The following DAB2IP variants were observed in gnomAD, a reference collection of about 807,000 sequenced individuals.
The protein encoded by DAB2IP is disabled homolog 2-interacting protein.
A neutral mutation model predicts 107.2 loss-of-function variants in DAB2IP; 28 were observed. The observed-to-expected ratio is 0.26, with a 90% confidence interval of 0.19 to 0.36. The LOEUF is 0.36. DAB2IP is among the 10% of genes least tolerant of loss of function. The pLI, the probability that DAB2IP is intolerant of heterozygous loss-of-function variation, is 1.00. For missense variants in DAB2IP, 1,400 were observed against 1,644.7 expected (o/e 0.85, Z 2.57); for synonymous variants, 755 against 706.4 (o/e 1.07, Z -1.09).
upstream of DAB2IP, among the ~76,000 whole-genome samples, chr9:121,647,814 C>T (rs1352980118): frequency 6.7e-6 from 1 of 148,824 alleles, no homozygotes; most frequent in Non-Finnish European, 1.5e-5. Flanking sequence ...CATATATACA[C>T]ATATATATAC....
rs1281751356 is a variant in DAB2IP at position 121,698,638 on chromosome 9, G to C, written c.229-687G>C. Among the ~76,000 whole-genome samples, 1 of 152,186 alleles carries C rather than the reference G, an allele frequency of 6.6e-6. No homozygotes were observed. The highest frequency in any genetic ancestry group is 1.5e-5 in the Non-Finnish European group (1 of 68,018). ...TGCTGGGGTACATACAACGGTTCCG[G>C]GGAGGGGCCCCACCCTGACATCAAG... On this transcript the variant is annotated intron_variant, in intron 2 of 15. Coordinates refer to ENST00000408936, the Ensembl canonical transcript of DAB2IP. This position sits in a 1 kb window ranked among gnomAD's most constrained non-coding sequence, Gnocchi z 4.1.
chr9:121,668,256 G>A (rs945848345), intron 1 of DAB2IP, among the ~76,000 whole-genome samples: 11 of 149,200 alleles, frequency 7.4e-5, no homozygotes, highest in South Asian at 2.2e-4. Context: ...GCAGTGGCAC[G>A]ATCTCCACTC....
At chr9:121,576,726 A>C (rs1420750602) in intron 1 of DAB2IP, among the ~76,000 whole-genome samples, 1 of 151,934 alleles carries the variant, frequency 6.6e-6, no homozygotes. Flanking sequence ...CCACACTGAC[A>C]TGGGGACCTG....
chr9:121,748,227 C>G (rs773393964), intron 3 of DAB2IP, among the ~76,000 whole-genome samples: 17 of 152,204 alleles, frequency 1.1e-4, no homozygotes, highest in Non-Finnish European at 2.4e-4. Context: ...GAAACTCGTT[C>G]AGGGTCTGTG....
intron 1 of DAB2IP, among the ~76,000 whole-genome samples, chr9:121,664,716 AC>A (rs1484997797): frequency 6.6e-6 from 1 of 152,202 alleles, no homozygotes; most frequent in Non-Finnish European, 1.5e-5. Flanking sequence ...AAGACACGAG[AC>A]CCCTGGGTCA....
chr9:121,776,175 C>G lies in DAB2IP; in HGVS notation c.3121-23C>G. The G allele has an allele frequency of 6.4e-7, 1 of 1,558,832 alleles. No individual in the cohort carries two copies. The highest frequency in any genetic ancestry group is 1.2e-5 in the South Asian group (1 of 84,424). On this transcript the variant is annotated intron_variant, in intron 13 of 15. Transcript: ENST00000408936. This position sits in a 1 kb window ranked among gnomAD's most constrained non-coding sequence, Gnocchi z 5.4. ...CTCTCTGTGTCCTGGGTGCTGTGCC[C>G]GTGGACGCTGCCCTCCTGGTAGGAC...
chr9:121,667,639 C>T (rs954155759), intron 1 of DAB2IP, among the ~76,000 whole-genome samples: 57 of 151,708 alleles, frequency 3.8e-4, no homozygotes, highest in African/African-American at 4.9e-4. Context: ...TACAGTTGTG[C>T]GTCACCACAC....
At chr9:121,739,545 G>A (rs1442247089) in intron 3 of DAB2IP, among the ~76,000 whole-genome samples, 1 of 152,230 alleles carries the variant, frequency 6.6e-6, no homozygotes. Flanking sequence ...GCTGCCTGGG[G>A]AAGATGGAGA....
chr9:121,782,283 C>G lies in DAB2IP; in HGVS notation c.3403-48C>G, dbSNP rs749494715. 6 of 1,595,220 alleles carry G rather than the reference C, an allele frequency of 3.8e-6. No individual in the cohort carries two copies. The highest frequency in any genetic ancestry group is 5.1e-6 in the Non-Finnish European group (6 of 1,167,520). On this transcript the variant is annotated intron_variant, in intron 15 of 15. Coordinates refer to ENST00000408936, the Ensembl canonical transcript of DAB2IP. This position sits in a 1 kb window ranked among gnomAD's most constrained non-coding sequence, Gnocchi z 6.1. ...ATGCTTGTCGTAGGTATACACAGCC[C>G]TAAGGAGCCTGTCCCATGACCCCCG...
chr9:121,735,387 A>G (rs1238201272), intron 3 of DAB2IP, among the ~76,000 whole-genome samples: 1 of 152,210 alleles, frequency 6.6e-6, no homozygotes, highest in Non-Finnish European at 1.5e-5. Context: ...CAGTCCTGCA[A>G]TAACCCCAGA....
exon 2 of DAB2IP, chr9:121,678,725 C>G: frequency 6.3e-7 from 1 of 1,598,388 alleles, no homozygotes; most frequent in Non-Finnish European, 8.5e-7. Context: ...GCCTGGCAGC[C>G]TTTCCGAGAA....
intron 1 of DAB2IP, among the ~76,000 whole-genome samples, chr9:121,580,574 A>G (rs1830167900): frequency 6.6e-6 from 1 of 152,052 alleles, no homozygotes; most frequent in South Asian, 2.1e-4. Context: ...AGGCAGAGGG[A>G]ACCACAGGGG....
At chr9:121,725,116 G>C (rs964995317) in intron 3 of DAB2IP, among the ~76,000 whole-genome samples, 1 of 152,198 alleles carries the variant, frequency 6.6e-6, no homozygotes, top group East Asian at 1.9e-4. Flanking sequence ...GCTCAGGCCT[G>C]GCCCGGCTTC....
rs113995254 is a variant in DAB2IP at position 121,596,725 on chromosome 9, A to G, written c.40+29497A>G. ...CTGTTTCAAATTCCTTACTAGTATT[A>G]TCATTATTGCAATGAGCAAGAGGTT... On this transcript the variant is annotated intron_variant, in intron 1 of 16. Coordinates refer to the DAB2IP transcript ENST00000259371. 3.8e-3 allele frequency among the ~76,000 whole-genome samples: 569 copies of G among 150,952 alleles called. 10 individuals are homozygous for G. Among genetic ancestry groups the G allele is most frequent in the African/African-American group, 0.014 (546 of 40,290 alleles).
At chr9:121,706,443 C>G (rs1467062722) in intron 3 of DAB2IP, among the ~76,000 whole-genome samples, 1 of 152,208 alleles carries the variant, frequency 6.6e-6, no homozygotes, top group East Asian at 1.9e-4. Context: ...CCAACTCCCT[C>G]CCCTCCACTT....
Position 121,774,413 on chromosome 9 carries a change from G to T in DAB2IP, c.3120+1G>T. On this transcript the variant is annotated splice_donor_variant, in intron 13 of 15. Coordinates refer to ENST00000408936, the Ensembl canonical transcript of DAB2IP. LOFTEE classifies it high-confidence loss of function. ...GGACGAGCTCAGCCAAGCAGAAAAG[G>T]TAAAACTGGACCCTGGCGGCTCGGG... 6.2e-7 allele frequency: 1 copy of T among 1,609,124 alleles called. No homozygotes were observed. Among genetic ancestry groups the T allele is most frequent in the Non-Finnish European group, 8.5e-7 (1 of 1,178,424 alleles).
intron 1 of DAB2IP, among the ~76,000 whole-genome samples, chr9:121,615,965 A>G (rs1287397505): frequency 6.6e-6 from 1 of 152,198 alleles, no homozygotes; most frequent in African/African-American, 2.4e-5. Flanking sequence ...CGAGATGGAC[A>G]TATGGAATAG....
At chr9:121,604,808 C>T (rs1161259115) in intron 1 of DAB2IP, among the ~76,000 whole-genome samples, 2 of 152,162 alleles carry the variant, frequency 1.3e-5, no homozygotes, top group African/African-American at 4.8e-5. Flanking sequence ...CTAGTGAATG[C>T]TTGGAAAGCT....
chr9:121,737,473 G>C, intron 3 of DAB2IP: 4 of 985,456 alleles, frequency 4.1e-6, no homozygotes, highest in Non-Finnish European at 4.8e-6. Context: ...CTTAGATGCC[G>C]GCCCGGCCGA....
Sources: gnomAD v4.1 joint callset for allele counts (sites outside exome capture counted in the v4.1 genomes callset) on GRCh38, gnomAD v4.1.1 for gene constraint, Gnocchi (gnomAD v3.1) non-coding constraint, MANE v1.5 for transcripts, NCBI Gene and HGNC (gene_info 2026-07-23, HGNC 2026-07-21) for gene names.